The following PDGFD variants were observed in gnomAD, a reference collection of about 807,000 sequenced individuals.
PDGFD encodes the protein platelet derived growth factor D.
In PDGFD, 30 loss-of-function variants were observed where a neutral mutation model predicts 44.7. The ratio of observed to expected loss-of-function variants is 0.67; its 90% confidence interval spans 0.50 to 0.91. PDGFD has a LOEUF of 0.91. Among genes scored for constraint, PDGFD ranks in the 40% least tolerant of loss-of-function variants. The pLI is 0.00. For synonymous variants in PDGFD, 173 were observed against 168.4 expected (o/e 1.03, Z -0.21); for missense variants, 445 against 457.8 (o/e 0.97, Z 0.25).
rs1276207836 is a variant in PDGFD at position 104,102,967 on chromosome 11, T to C, written c.124+60837A>G. The stretch of plus-strand genomic sequence containing the variant: ...AGGGGAGGGATAGCATTAGGAGATA[T>C]ACCTAATGTTAAATGACGAGTTAAT... On this transcript the variant is annotated intron_variant, in intron 1 of 6. Transcript: ENST00000393158. Among the ~76,000 whole-genome samples, 3 of 152,028 alleles carry C rather than the reference T, an allele frequency of 2.0e-5. No individual in the cohort carries two copies. In the East Asian group the frequency reaches 5.8e-4, roughly 29 times the overall value.
intron 1 of PDGFD, among the ~76,000 whole-genome samples, chr11:104,063,957 A>C (rs963337209): frequency 1.8e-4 from 27 of 152,208 alleles, no homozygotes; most frequent in Non-Finnish European, 3.1e-4. Context: ...GAGAGGTTTC[A>C]GAAAACAGAA....
intron 1 of PDGFD, among the ~76,000 whole-genome samples, chr11:104,137,994 T>C (rs79941837): frequency 0.13 from 19,769 of 151,948 alleles, 1,414 homozygotes; most frequent in East Asian, 0.29. Flanking sequence ...AGAAAATGAG[T>C]TATTGAAAGC....
chr11:104,141,439 C>A (rs1452507596), intron 1 of PDGFD, among the ~76,000 whole-genome samples: 1 of 151,454 alleles, frequency 6.6e-6, no homozygotes, highest in African/African-American at 2.4e-5. Context: ...GCCCTGTCAC[C>A]CAGGCAGGAG....
intron 1 of PDGFD, among the ~76,000 whole-genome samples, chr11:104,155,052 C>T (rs991323980): frequency 6.6e-5 from 10 of 152,180 alleles, no homozygotes; most frequent in African/African-American, 1.2e-4. Context: ...TAATCCAAAG[C>T]GCCAATAAAA....
intron 1 of PDGFD, among the ~76,000 whole-genome samples, chr11:104,142,779 C>T (rs1385549250): frequency 6.6e-6 from 1 of 152,128 alleles, no homozygotes; most frequent in African/African-American, 2.4e-5. Context: ...GCAGACTGTT[C>T]ATTCTGATAT....
At chr11:104,100,985 A>T (rs1308983740) in intron 1 of PDGFD, among the ~76,000 whole-genome samples, 1 of 152,174 alleles carries the variant, frequency 6.6e-6, no homozygotes, top group Admixed American at 6.5e-5. Flanking sequence ...ACAAACCCAC[A>T]GCCAATATCA....
intron 3 of PDGFD, among the ~76,000 whole-genome samples, chr11:103,993,568 T>A (rs1448187149): frequency 1.3e-5 from 2 of 152,120 alleles, no homozygotes; most frequent in African/African-American, 4.8e-5. Flanking sequence ...ACTTCCAGTT[T>A]CAAGCCTGGT....
intron 1 of PDGFD, among the ~76,000 whole-genome samples, chr11:104,108,171 C>A (rs1052224354): frequency 6.4e-4 from 97 of 151,948 alleles, no homozygotes; most frequent in Admixed American, 1.4e-3. Context: ...GATAAGACAC[C>A]AAAAGCAATG....
intron 1 of PDGFD, among the ~76,000 whole-genome samples, chr11:104,069,980 T>C (rs118093469): frequency 1.3e-5 from 2 of 152,250 alleles, no homozygotes; most frequent in East Asian, 1.9e-4. Context: ...TATCCTCCAG[T>C]ATCATAATTG....
intron 1 of PDGFD, among the ~76,000 whole-genome samples, chr11:104,061,794 G>C (rs1166685967): frequency 1.3e-5 from 2 of 152,088 alleles, no homozygotes; most frequent in Non-Finnish European, 2.9e-5. Flanking sequence ...TTTTAGTAGA[G>C]ACGGGGCTTG....
intron 1 of PDGFD, among the ~76,000 whole-genome samples, chr11:104,029,707 G>A (rs1860096225): frequency 6.6e-6 from 1 of 152,218 alleles, no homozygotes; most frequent in Non-Finnish European, 1.5e-5. Flanking sequence ...CTGTTGAGGT[G>A]TCTTGGCCAG....
intron 1 of PDGFD, among the ~76,000 whole-genome samples, chr11:104,030,119 T>C (rs1860102419): frequency 6.6e-6 from 1 of 152,350 alleles, no homozygotes; most frequent in African/African-American, 2.4e-5. Flanking sequence ...ATTTGTAACA[T>C]ACATACATTT....
intron 1 of PDGFD, among the ~76,000 whole-genome samples, chr11:104,049,717 G>T (rs1860498293): frequency 6.6e-6 from 1 of 152,142 alleles, no homozygotes; most frequent in South Asian, 2.1e-4. Flanking sequence ...ATGCCTGGAA[G>T]GCCAAATTAA....
At chr11:104,108,517 G>C (rs1349229917) in intron 1 of PDGFD, among the ~76,000 whole-genome samples, 1 of 152,150 alleles carries the variant, frequency 6.6e-6, no homozygotes. Context: ...TCTCACGCCA[G>C]TTAGAATGGC....
intron 1 of PDGFD, among the ~76,000 whole-genome samples, chr11:104,101,182 T>C (rs1220249267): frequency 1.3e-5 from 2 of 152,144 alleles, no homozygotes; most frequent in African/African-American, 2.4e-5. Flanking sequence ...GCAGATGACA[T>C]GATTGTATAT....
chr11:104,037,754 G>A, intron 1 of PDGFD: 1 of 1,614,112 alleles, frequency 6.2e-7, no homozygotes, highest in Non-Finnish European at 8.5e-7. Context: ...CAAATTGAAG[G>A]TGATTTCTTA....
At chr11:103,930,700 G>T (rs1166632416) in intron 5 of PDGFD, among the ~76,000 whole-genome samples, 1 of 152,140 alleles carries the variant, frequency 6.6e-6, no homozygotes, top group Admixed American at 6.5e-5. Context: ...CACAAGCGAT[G>T]CTGAAGTCTT....
intron 1 of PDGFD, among the ~76,000 whole-genome samples, chr11:104,156,407 A>G (rs1289679203): frequency 1.3e-5 from 2 of 152,228 alleles, no homozygotes; most frequent in Non-Finnish European, 2.9e-5. Context: ...ATCCTAACAT[A>G]TAAGGCTTCA....
chr11:104,160,088 A>C lies in PDGFD; in HGVS notation c.124+3716T>G, dbSNP rs113332606. Among the ~76,000 whole-genome samples, 919 of 152,304 alleles carry C rather than the reference A, an allele frequency of 6.0e-3. 8 individuals are homozygous for C. The highest frequency in any genetic ancestry group is 0.021 in the African/African-American group (866 of 41,570). ...TTCTCTGTTGTGTTGCCTTCCCTTT[A>C]AGCTCTGATCTTTGTACTTAAGTCA... On this transcript the variant is annotated intron_variant, in intron 1 of 6. Transcript: ENST00000393158.
Sources: gnomAD v4.1 joint callset for allele counts (sites outside exome capture counted in the v4.1 genomes callset) on GRCh38, gnomAD v4.1.1 for gene constraint, MANE v1.5 for transcripts, NCBI Gene and HGNC (gene_info 2026-07-23, HGNC 2026-07-21) for gene names.